Variants in CYP2D6 observed in about 807,000 individuals in gnomAD.
The protein encoded by CYP2D6 is cytochrome P450 family 2 subfamily D member 6 (gene/pseudogene).
A neutral mutation model predicts 43.5 loss-of-function variants in CYP2D6; 51 were observed. That is an observed-to-expected ratio of 1.17 (90% confidence interval 0.94 to 1.48). The LOEUF (loss-of-function observed/expected upper bound fraction) is 1.48. Among genes scored for constraint, CYP2D6 ranks in the 40% most tolerant of loss-of-function variants. The pLI is 0.00. For missense variants in CYP2D6, 698 were observed against 688.0 expected (o/e 1.01, Z -0.16); for synonymous variants, 346 against 297.1 (o/e 1.16, Z -1.69).
rs1135833 is a variant in CYP2D6, at chr22:42,126,663, G to T, written c.1405C>A (p.Pro469Thr). ...SLLQHFSFSV[P>T]TGQPRPSHHG... is the part of the protein sequence containing the mutation. ...TGGCTGGGCCGGGGCTGTCCAGTGG[G>T]CACCGAGAAGCTGAAGTGCTGCAGC... Residue 469 changes from proline to threonine, a missense_variant, in exon 9 of 9, where the codon CCC (proline) becomes ACC (threonine). Coordinates refer to ENST00000645361, the MANE Select transcript of CYP2D6 (RefSeq NM_000106.6). 6.2e-7 allele frequency: 1 copy of T among 1,607,514 alleles called. No homozygotes were observed. The highest frequency in any genetic ancestry group is 1.4e-5 in the African/African-American group (1 of 73,960).
chr22:42,128,263 C>G lies in CYP2D6; in HGVS notation c.754G>C (p.Asp252His). 1.2e-6 allele frequency: 2 copies of G among 1,610,698 alleles called. No individual in the cohort carries two copies. The highest frequency in any genetic ancestry group is 1.1e-5 in the South Asian group (1 of 90,886). Residue 252 changes from aspartate to histidine, a missense_variant, in exon 5 of 9, where the codon GAT (aspartate) becomes CAT (histidine). Physicochemically the swap from Asp to His is moderately conservative, Grantham distance 81. Around this residue, in one of 5 missense-constraint regions of CYP2D6, gnomAD observed 588 missense variants for 521.1 expected, o/e 1.13. Coordinates refer to ENST00000645361, the MANE Select transcript of CYP2D6 (RefSeq NM_000106.6). ...RFQKAFLTQL[D>H]ELLTEHRMTW... ...ATCCTGTGCTCAGTTAGCAGCTCAT[C>G]CAGCTGGGTCAGGAAAGCCTTTTGG...
In CYP2D6 at chr22:42,129,198, C is replaced by T. The variant is rs757417430; in HGVS notation, c.353-13G>A. On this transcript the variant is annotated splice_polypyrimidine_tract_variant and intron_variant, in intron 2 of 8. Transcript: ENST00000645361. ...GCCAGGAACACCCCTGGGGGTGGGACGGGCACGTGCGCGTGGCCATGAAGG... is the reference window on the plus strand; with the variant it reads ...GCCAGGAACACCCCTGGGGGTGGGATGGGCACGTGCGCGTGGCCATGAAGG... 5.6e-6 allele frequency: 9 copies of T among 1,600,568 alleles called. 2 individuals are homozygous for T. The East Asian group carries it at 8.9e-5, about 16-fold the overall frequency.
At chr22:42,129,953 C>T in intron 1 of CYP2D6, 44 bp from the exon 2 acceptor site, 1 of 1,488,666 alleles carries the variant, frequency 6.7e-7, no homozygotes, top group Non-Finnish European at 9.0e-7. Flanking sequence ...CAGGATCACC[C>T]CAGACTACAG....
chr22:42,128,207 G>A lies in CYP2D6; in HGVS notation c.810C>T (p.Asp270=), dbSNP rs1450346242. The A allele has an allele frequency of 4.3e-6, 7 of 1,609,326 alleles. No individual in the cohort carries two copies. Among genetic ancestry groups the A allele is most frequent in the Non-Finnish European group, 5.9e-6 (7 of 1,177,520 alleles). ...MTWDPAQPPR[D]LTEAFLAEME... ...TCTCTGCCAGGAAGGCCTCAGTCAG[G>A]TCTCGGGGGGGCTGGGCTGGGTCCC... Residue 270 remains aspartate, a synonymous_variant, in exon 5 of 9, where the codon GAC becomes GAT. Transcript: ENST00000645361.
At chr22:42,127,194 C>G (rs1931059795) in intron 7 of CYP2D6, among the ~76,000 whole-genome samples, 1 of 151,236 alleles carries the variant, frequency 6.6e-6, no homozygotes, top group South Asian at 2.1e-4. Flanking sequence ...ACACTGCCCC[C>G]TCTCCCTGCA....
rs758338146 is a variant in CYP2D6, at chr22:42,129,690, C to CTGT, written c.352+47_352+48insACA. The stretch of plus-strand genomic sequence containing the variant: ...TGCCCAGCTCGGACTACGGTCATCA[C>CTGT]CCACCCGGGTCCCACGGAAATCTGT... On this transcript the variant is annotated intron_variant, in intron 2 of 8. Coordinates refer to ENST00000645361, the MANE Select transcript of CYP2D6 (RefSeq NM_000106.6). The CTGT allele has an allele frequency of 2.4e-5, 38 of 1,603,784 alleles. 1 individual carries two copies. The African/African-American group carries it at 4.4e-4, about 19-fold the overall frequency.
Position 42,126,698 on chromosome 22 carries a change from A to G in CYP2D6, c.1370T>C (p.Phe457Ser). Residue 457 changes from phenylalanine (F) to serine (S), a missense_variant, in exon 9 of 9, where the codon TTC becomes TCC. Transcript: ENST00000645361. The part of the protein sequence containing the change: ...PLARMELFLF[F>S]TSLLQHFSFS... Reference sequence around the variant, plus strand: ...GCTGAAGTGCTGCAGCAGGGAGGTGAAGAAGAGGAAGAGCTCCATGCGGGC... The same window carrying G: ...GCTGAAGTGCTGCAGCAGGGAGGTGGAGAAGAGGAAGAGCTCCATGCGGGC... The G allele has an allele frequency of 1.3e-6, 2 of 1,589,770 alleles. No individual in the cohort carries two copies. The highest frequency in any genetic ancestry group is 1.7e-6 in the Non-Finnish European group (2 of 1,169,040).
intron 2 of CYP2D6, 22 bp downstream of exon 2, chr22:42,129,716 C>T (rs767948392): frequency 6.2e-7 from 1 of 1,609,288 alleles, no homozygotes; most frequent in Non-Finnish European, 8.5e-7. Context: ...GGAAATCTGT[C>T]TCTGTCCCCA....
At position 42,126,552 on chromosome 22, in the gene CYP2D6, G is replaced by T. The variant is rs746767060; in HGVS notation, c.*22C>A. The T allele has an allele frequency of 9.2e-5, 142 of 1,546,616 alleles. No individual in the cohort carries two copies. The highest frequency in any genetic ancestry group is 5.5e-4 in the Middle Eastern group (3 of 5,414). ...ATTAGAGCCTCTGGCTAGGGAGCAG[G>T]CTGGGGACTAGGTACCCCATTCTAG... On this transcript the variant is annotated 3_prime_UTR_variant, in exon 9 of 9. Transcript: ENST00000645361.
At chr22:42,127,732 G>T in intron 6 of CYP2D6, 98 bp from the exon 7 acceptor site, 2 of 1,570,836 alleles carry the variant, frequency 1.3e-6, no homozygotes, top group Admixed American at 1.7e-5. Flanking sequence ...AGGCTTACAG[G>T]ATCCTGGTCA....
At chr22:42,128,018 G>A (rs768123055) in intron 5 of CYP2D6, 35 bp from the exon 6 acceptor site, 2 of 1,611,006 alleles carry the variant, frequency 1.2e-6, no homozygotes, top group African/African-American at 1.3e-5. Context: ...GGGACAGAAC[G>A]GGGTAGCCCC....
intron 7 of CYP2D6, 55 bp from the exon 8 acceptor site, chr22:42,127,047 C>T: frequency 6.4e-7 from 1 of 1,562,830 alleles, no homozygotes; most frequent in East Asian, 2.3e-5. Flanking sequence ...TGCTGGGACC[C>T]CTGCCACCAA....
Position 42,129,194 on chromosome 22 carries a change from G to T in CYP2D6, c.353-9C>A. 1 of 1,602,064 alleles carries T rather than the reference G, an allele frequency of 6.2e-7. No individual in the cohort carries two copies. ...GCGCGCCAGGAACACCCCTGGGGGT[G>T]GGACGGGCACGTGCGCGTGGCCATG... On this transcript the variant is annotated splice_polypyrimidine_tract_variant and intron_variant, in intron 2 of 8. Transcript: ENST00000645361.
rs370267861 is a variant in CYP2D6, at chr22:42,129,225, A to C, written c.353-40T>G. On this transcript the variant is annotated intron_variant, in intron 2 of 8. Transcript: ENST00000645361. ...GGCACGTGCGCGTGGCCATGAAGGC[A>C]TTAGCCCCACCATCCACCACCCACT... The C allele has an allele frequency of 5.2e-4, 835 of 1,592,058 alleles. 22 individuals carry two copies. The highest frequency in any genetic ancestry group is 1.5e-3 in the East Asian group (68 of 44,634).
At chr22:42,127,774 A>G in intron 6 of CYP2D6, 68 bp downstream of exon 6, 3 of 1,594,132 alleles carry the variant, frequency 1.9e-6, no homozygotes, top group South Asian at 2.2e-5. Context: ...GTGTCCCAGC[A>G]AAGTTCATGG....
chr22:42,127,675 G>A, intron 6 of CYP2D6, 41 bp from the exon 7 acceptor site: 1 of 1,599,700 alleles, frequency 6.3e-7, no homozygotes, highest in South Asian at 1.1e-5. Context: ...AGCACCCAGG[G>A]GGTCCGGCCC....
rs764444172 is a variant in CYP2D6, at chr22:42,126,918, GT to G, written c.1247del (p.His416ProfsTer13). The G allele has an allele frequency of 3.7e-6, 6 of 1,606,702 alleles. 1 individual carries two copies. The highest frequency in any genetic ancestry group is 3.3e-4 in the Middle Eastern group (2 of 6,040). On this transcript the variant is annotated frameshift_variant, in exon 8 of 9. Coordinates refer to ENST00000645361, the MANE Select transcript of CYP2D6 (RefSeq NM_000106.6). LOFTEE classifies it high-confidence loss of function. ...EAVWEKPFRF[H>X]PEHFLDAQGH... is the part of the protein sequence containing the mutation. Reference sequence around the variant, plus strand: ...CCTGGGCATCCAGGAAGTGTTCGGGGTGGAAGCGGAAGGGCTTCTCCCAGAC... The same window carrying G: ...CCTGGGCATCCAGGAAGTGTTCGGGGGGAAGCGGAAGGGCTTCTCCCAGAC...
rs1258274100 is a variant in CYP2D6, at chr22:42,129,962, A to G, written c.181-53T>C. ...TCAAGCCAGGATCACCCCAGACTAC[A>G]GGTCCTAGTCCTATTTGAACCTTGG... is the stretch of plus-strand genomic sequence containing the variant. On this transcript the variant is annotated intron_variant, in intron 1 of 8. Coordinates refer to ENST00000645361, the MANE Select transcript of CYP2D6 (RefSeq NM_000106.6). 2.0e-6 allele frequency: 3 copies of G among 1,473,486 alleles called. No individual in the cohort carries two copies. In the South Asian group the frequency reaches 3.6e-5, roughly 18 times the overall value. 91.3% of individuals were successfully genotyped at this position (1,473,486 alleles called of 1,614,324 possible). A position where few individuals can be genotyped will look rare whatever the true frequency, so the allele number is the denominator to read the frequency against.
rs777148766 is a variant in CYP2D6 at position 42,127,867 on chromosome 22, G to A, written c.960C>T (p.Leu320=). ...TSTTLAWGLL[L]MILHPDVQRR... ...GCTGCACATCCGGATGTAGGATCAT[G>A]AGCAGGAGGCCCCAGGCCAGCGTGG... Residue 320 remains leucine, a synonymous_variant, in exon 6 of 9, where the codon CTC becomes CTT. Coordinates refer to ENST00000645361, the MANE Select transcript of CYP2D6 (RefSeq NM_000106.6). 1.2e-6 allele frequency: 2 copies of A among 1,611,206 alleles called. No individual in the cohort carries two copies. Among genetic ancestry groups the A allele is most frequent in the Non-Finnish European group, 1.7e-6 (2 of 1,178,208 alleles).
Sources: gnomAD v4.1 joint callset for allele counts (sites outside exome capture counted in the v4.1 genomes callset) on GRCh38, gnomAD v4.1.1 for gene constraint, gnomAD v4.1.1 regional missense constraint, MANE v1.5 for transcripts, NCBI Gene and HGNC (gene_info 2026-07-23, HGNC 2026-07-21) for gene names.